DLG2: variants seen among roughly 807,000 people sequenced by gnomAD.
DLG2 encodes the protein disks large homolog 2.
Under a neutral mutation model 132.5 loss-of-function variants are expected in DLG2, and 45 were observed. The observed-to-expected ratio is 0.34, with a 90% CI of 0.27 to 0.44. The LOEUF is 0.44. DLG2 is among the 20% of genes least tolerant of loss of function. DLG2 has a pLI of 1.00. For synonymous variants in DLG2, 424 were observed against 419.6 expected (o/e 1.01, Z -0.13); for missense variants, 1,045 against 1,196.9 (o/e 0.87, Z 1.87).
At chr11:83,992,612 A>G (rs762808304) in intron 11 of DLG2, among the ~76,000 whole-genome samples, 1 of 152,154 alleles carries the variant, frequency 6.6e-6, no homozygotes, top group Non-Finnish European at 1.5e-5. Context: ...AGTCTCCACA[A>G]GGAAAAGAAC....
At chr11:84,673,827 A>G (rs2099708567) in intron 6 of DLG2, among the ~76,000 whole-genome samples, 1 of 152,086 alleles carries the variant, frequency 6.6e-6, no homozygotes, top group African/African-American at 2.4e-5. Flanking sequence ...CTATTATCCT[A>G]TACCTGTCAA....
intron 3 of DLG2, among the ~76,000 whole-genome samples, chr11:85,342,506 G>C (rs1479893380): frequency 1.3e-5 from 2 of 152,108 alleles, no homozygotes; most frequent in Non-Finnish European, 2.9e-5. Flanking sequence ...CTTTCTGAAG[G>C]AACTGCCTGA....
chr11:84,430,690 T>G (rs1051234495), intron 7 of DLG2, among the ~76,000 whole-genome samples: 2 of 152,190 alleles, frequency 1.3e-5, no homozygotes, highest in African/African-American at 4.8e-5. Context: ...CTTTGTCTAC[T>G]TTCCCTGACC....
At chr11:84,034,985 C>T (rs563633249) in intron 11 of DLG2, among the ~76,000 whole-genome samples, 36 of 152,270 alleles carry the variant, frequency 2.4e-4, no homozygotes, top group South Asian at 2.1e-4. Flanking sequence ...TAGGTGAACA[C>T]GGCTTAAGAG....
intron 8 of DLG2, among the ~76,000 whole-genome samples, chr11:84,240,701 G>A (rs946179034): frequency 5.3e-5 from 8 of 152,162 alleles, no homozygotes; most frequent in African/African-American, 1.9e-4. Flanking sequence ...GGTGAACAAA[G>A]GTAAGGATAT....
intron 3 of DLG2, among the ~76,000 whole-genome samples, chr11:85,343,402 C>T (rs1370348571): frequency 3.3e-5 from 5 of 152,126 alleles, no homozygotes; most frequent in Non-Finnish European, 7.4e-5. Flanking sequence ...AGATGGTGAA[C>T]TTTTAATGGT....
intron 4 of DLG2, among the ~76,000 whole-genome samples, chr11:85,256,822 G>A (rs1488976856): frequency 1.3e-5 from 2 of 152,112 alleles, no homozygotes; most frequent in Non-Finnish European, 2.9e-5. Flanking sequence ...GTGTATCATT[G>A]TTATCAATAC....
intron 6 of DLG2, among the ~76,000 whole-genome samples, chr11:84,566,034 C>T (rs542472241): frequency 6.6e-6 from 1 of 150,766 alleles, no homozygotes; most frequent in East Asian, 2.0e-4. Context: ...TCTCTGCTCA[C>T]TGCAACCTCC....
intron 6 of DLG2, among the ~76,000 whole-genome samples, chr11:84,745,194 G>T (rs1394911691): frequency 6.6e-6 from 1 of 152,158 alleles, no homozygotes; most frequent in Non-Finnish European, 1.5e-5. Context: ...GTTTGGATCT[G>T]TGTCTGCTCC....
chr11:83,494,857 A>G (rs2094063703), intron 21 of DLG2, among the ~76,000 whole-genome samples: 1 of 152,194 alleles, frequency 6.6e-6, no homozygotes, highest in Admixed American at 6.5e-5. Context: ...GAGGAACTGT[A>G]GAACAACCAA....
intron 6 of DLG2, among the ~76,000 whole-genome samples, chr11:84,721,155 C>A (rs2061790895): frequency 6.6e-6 from 1 of 152,084 alleles, no homozygotes; most frequent in African/African-American, 2.4e-5. Context: ...GAAGGGGAGG[C>A]CCGCTCGGAG....
At chr11:84,785,655 A>G (rs2072749836) in intron 6 of DLG2, among the ~76,000 whole-genome samples, 1 of 152,146 alleles carries the variant, frequency 6.6e-6, no homozygotes, top group Admixed American at 6.6e-5. Flanking sequence ...TTCGTTTTCA[A>G]AACAAAAAAT....
chr11:84,584,674 CTTTTTTTTTTTTTTTTT>C (rs71036428), intron 6 of DLG2, among the ~76,000 whole-genome samples: 4 of 55,774 alleles, frequency 7.2e-5, no homozygotes, highest in East Asian at 6.9e-4. Context: ...CCCAGCATTC[CTTTTTTTTTTTTTTTTT>C]TTTTTTTTTT....
rs996122910 is a variant in DLG2, at chr11:83,488,447, T to C, written c.2194-4219A>G. On this transcript the variant is annotated intron_variant, in intron 21 of 27. Coordinates refer to ENST00000376104, the MANE Select transcript of DLG2 (RefSeq NM_001142699.3). ...GTGAACTGGCTTAAGATAAAATACA[T>C]GCTTCATGAAAGAAGGAAACAAAAC... Among the ~76,000 whole-genome samples, 13 of 152,114 alleles carry C rather than the reference T, an allele frequency of 8.5e-5. No individual in the cohort carries two copies. In the East Asian group the frequency reaches 1.9e-3, roughly 23 times the overall value.
chr11:83,947,698 G>T (rs1003509600), intron 14 of DLG2, among the ~76,000 whole-genome samples: 2 of 152,144 alleles, frequency 1.3e-5, no homozygotes, highest in Non-Finnish European at 2.9e-5. Flanking sequence ...AATAACCCGT[G>T]GCATAGGCAT....
intron 6 of DLG2, among the ~76,000 whole-genome samples, chr11:85,041,402 A>G (rs1354774386): frequency 1.3e-5 from 2 of 151,946 alleles, no homozygotes; most frequent in Non-Finnish European, 2.9e-5. Context: ...GCAATATATC[A>G]AGCATGGTAC....
intron 4 of DLG2, among the ~76,000 whole-genome samples, chr11:85,216,568 T>C (rs2082610110): frequency 6.6e-6 from 1 of 152,214 alleles, no homozygotes; most frequent in Non-Finnish European, 1.5e-5. Context: ...TAGAACTTCA[T>C]CAGTTTTCAT....
At chr11:84,540,269 A>G (rs1360058997) in intron 6 of DLG2, among the ~76,000 whole-genome samples, 1 of 152,044 alleles carries the variant, frequency 6.6e-6, no homozygotes. Flanking sequence ...ACAGAATGGG[A>G]GAAAATTTTT....
intron 18 of DLG2, among the ~76,000 whole-genome samples, chr11:83,717,177 C>T (rs1407857036): frequency 6.6e-6 from 1 of 152,206 alleles, no homozygotes; most frequent in Non-Finnish European, 1.5e-5. Flanking sequence ...TAGATTTTTC[C>T]TTTGAAGCTA....
Sources: allele counts gnomAD v4.1 joint callset (sites outside exome capture counted in the v4.1 genomes callset), GRCh38; gene constraint gnomAD v4.1.1; transcripts MANE v1.5; gene names NCBI Gene and HGNC (gene_info 2026-07-23, HGNC 2026-07-21).